The following MARCHF3 variants were observed in gnomAD, a reference collection of about 807,000 sequenced individuals.
The protein encoded by MARCHF3 is membrane associated ring-CH-type finger 3.
Under a neutral mutation model 24.2 loss-of-function variants are expected in MARCHF3, and 13 were observed. The observed-to-expected ratio is 0.54, with a 90% CI of 0.35 to 0.85. The LOEUF (loss-of-function observed/expected upper bound fraction) is 0.85, where lower values mean the gene tolerates loss of function less well. Ranked by LOEUF, MARCHF3 falls within the 40% of genes least tolerant of loss-of-function variation. MARCHF3 has a pLI of 0.01. For missense variants in MARCHF3, 276 were observed against 325.0 expected (o/e 0.85, Z 1.16); for synonymous variants, 144 against 137.3 (o/e 1.05, Z -0.34).
intron 1 of MARCHF3, among the ~76,000 whole-genome samples, chr5:126,940,684 C>T (rs113681588): frequency 0.021 from 3,117 of 151,862 alleles, 95 homozygotes; most frequent in African/African-American, 0.072. Context: ...TGACCTCAAG[C>T]GATCCACCCA....
At chr5:126,903,012 G>A (rs879312216) in intron 3 of MARCHF3, among the ~76,000 whole-genome samples, 1 of 152,040 alleles carries the variant, frequency 6.6e-6, no homozygotes, top group Admixed American at 6.6e-5. Context: ...TGTCCATGCT[G>A]GTACACTGTC....
chr5:127,017,232 T>C (rs1010908191), intron 1 of MARCHF3, among the ~76,000 whole-genome samples: 4 of 152,278 alleles, frequency 2.6e-5, no homozygotes, highest in Admixed American at 2.6e-4. Context: ...CTGCACGTTG[T>C]GCACATGTAC....
rs186961155 is a variant in MARCHF3 at position 126,903,904 on chromosome 5, C to T, written c.393+11026G>A. 6.0e-3 allele frequency among the ~76,000 whole-genome samples: 904 copies of T among 151,712 alleles called. 11 individuals are homozygous for T. Among genetic ancestry groups the T allele is most frequent in the East Asian group, 0.025 (131 of 5,152 alleles). On this transcript the variant is annotated intron_variant, in intron 3 of 4. Coordinates refer to ENST00000308660, the MANE Select transcript of MARCHF3 (RefSeq NM_178450.5). ...TGTATACATGTGCCATGCTGGTGCG[C>T]CGCACCTACTAACTCGTCATCTAGC...
At chr5:126,944,233 A>G (rs1749933998) in intron 1 of MARCHF3, among the ~76,000 whole-genome samples, 1 of 152,122 alleles carries the variant, frequency 6.6e-6, no homozygotes, top group South Asian at 2.1e-4. Flanking sequence ...TGCATATAAC[A>G]TCATGTCTGT....
Position 126,997,055 on chromosome 5 carries a change from A to G in MARCHF3, c.-57+33295T>C, listed in dbSNP as rs186433870. ...GTTAAAAGCAACTCATATGATGACA[A>G]TGAGTAAGTATTAAAGAATACTTAC... On this transcript the variant is annotated intron_variant, in intron 1 of 4. Transcript: ENST00000308660. Among the ~76,000 whole-genome samples the G allele has an allele frequency of 6.1e-3, 934 of 152,320 alleles. 5 individuals are homozygous for G. The highest frequency in any genetic ancestry group is 8.2e-3 in the Non-Finnish European group (560 of 68,026).
At chr5:126,914,785 C>T in intron 3 of MARCHF3, 145 bp downstream of exon 3, 1 of 676,152 alleles carries the variant, frequency 1.5e-6, no homozygotes, top group South Asian at 1.7e-5. Context: ...CACACACACA[C>T]ACACACACAC....
chr5:126,879,104 C>T (rs1281417535), intron 3 of MARCHF3, among the ~76,000 whole-genome samples: 9 of 152,176 alleles, frequency 5.9e-5, no homozygotes, highest in Non-Finnish European at 1.2e-4. Context: ...AGGTGAGCTT[C>T]CCAGATTGGC....
chr5:127,011,769 G>C (rs943387503), intron 1 of MARCHF3, among the ~76,000 whole-genome samples: 3 of 152,128 alleles, frequency 2.0e-5, no homozygotes, highest in Admixed American at 6.5e-5. Flanking sequence ...CAAACACCAG[G>C]TGAATCTACA....
intron 3 of MARCHF3, chr5:126,899,083 T>C: frequency 1.0e-6 from 1 of 985,348 alleles, no homozygotes; most frequent in Non-Finnish European, 1.2e-6. Flanking sequence ...AACTCTGTAA[T>C]GATGGATTGC....
At chr5:126,926,316 T>A (rs556028822) in intron 1 of MARCHF3, among the ~76,000 whole-genome samples, 2 of 152,158 alleles carry the variant, frequency 1.3e-5, no homozygotes, top group Non-Finnish European at 2.9e-5. Context: ...AACTCTGCAT[T>A]CCATCAGGCT....
chr5:126,980,329 G>C (rs1376306908), intron 1 of MARCHF3, among the ~76,000 whole-genome samples: 2 of 151,744 alleles, frequency 1.3e-5, no homozygotes, highest in Non-Finnish European at 2.9e-5. Flanking sequence ...CAGAAACACA[G>C]ATTTTATGTA....
rs1278487318 is a variant in MARCHF3 at position 126,921,723 on chromosome 5, T to C, written c.-56-3496A>G. On this transcript the variant is annotated intron_variant, in intron 1 of 4. Transcript: ENST00000308660. Reference sequence around the variant, plus strand: ...ATTCTCTCAGGGAGGGAGCGGTGTATGTGCAAACTTAAAACATCAAACGGC... The same window carrying C: ...ATTCTCTCAGGGAGGGAGCGGTGTACGTGCAAACTTAAAACATCAAACGGC... Among the ~76,000 whole-genome samples, 2 of 152,174 alleles carry C rather than the reference T, an allele frequency of 1.3e-5. 1 individual carries two copies. The highest frequency in any genetic ancestry group is 4.8e-5 in the African/African-American group (2 of 41,436).
chr5:126,913,771 G>T (rs1316598638), intron 3 of MARCHF3, among the ~76,000 whole-genome samples: 1 of 152,130 alleles, frequency 6.6e-6, no homozygotes, highest in Non-Finnish European at 1.5e-5. Flanking sequence ...AGCATCTTAA[G>T]CCTGGGTGCT....
intron 1 of MARCHF3, among the ~76,000 whole-genome samples, chr5:127,000,698 A>T (rs1416594634): frequency 2.6e-5 from 4 of 151,798 alleles, no homozygotes; most frequent in Admixed American, 2.0e-4. Flanking sequence ...TTTTATTTTT[A>T]TTTATTTATT....
intron 1 of MARCHF3, among the ~76,000 whole-genome samples, chr5:126,971,448 C>CAAA (rs60881844): frequency 1.1e-5 from 1 of 89,760 alleles, no homozygotes; most frequent in Non-Finnish European, 2.3e-5. Context: ...GACTCTGTCT[C>CAAA]AAAAAAAAAA....
Position 126,994,146 on chromosome 5 carries a change from T to C in MARCHF3, c.-57+36204A>G, listed in dbSNP as rs367793594. Among the ~76,000 whole-genome samples the C allele has an allele frequency of 1.2e-4, 18 of 152,346 alleles. No homozygotes were observed. In the East Asian group the frequency reaches 3.5e-3, roughly 29 times the overall value. Reference sequence around the variant, plus strand: ...TCCTTCAGCTGGTGAATGGGTAAACTGCACAGCCACACAGTAGAAGACTAC... The same window carrying C: ...TCCTTCAGCTGGTGAATGGGTAAACCGCACAGCCACACAGTAGAAGACTAC... On this transcript the variant is annotated intron_variant, in intron 1 of 4. Coordinates refer to ENST00000308660, the MANE Select transcript of MARCHF3 (RefSeq NM_178450.5).
chr5:126,979,187 G>A (rs1751302892), intron 1 of MARCHF3, among the ~76,000 whole-genome samples: 2 of 152,184 alleles, frequency 1.3e-5, no homozygotes, highest in Admixed American at 1.3e-4. Context: ...TTAGGTTGCT[G>A]ACTCTACTTG....
At chr5:126,988,194 C>G (rs1457341314) in intron 1 of MARCHF3, among the ~76,000 whole-genome samples, 1 of 152,042 alleles carries the variant, frequency 6.6e-6, no homozygotes, top group Admixed American at 6.6e-5. Flanking sequence ...GACTAAAATC[C>G]AGCCCATTCT....
intron 3 of MARCHF3, among the ~76,000 whole-genome samples, chr5:126,900,136 A>T (rs549397639): frequency 4.6e-5 from 7 of 151,484 alleles, no homozygotes; most frequent in Non-Finnish European, 1.0e-4. Flanking sequence ...TTTACTCATA[A>T]TTTTTTTTTC....
Sources: gnomAD v4.1 joint callset for allele counts (sites outside exome capture counted in the v4.1 genomes callset) on GRCh38, gnomAD v4.1.1 for gene constraint, MANE v1.5 for transcripts, NCBI Gene and HGNC (gene_info 2026-07-23, HGNC 2026-07-21) for gene names.